Variants in VEPH1 observed in about 807,000 individuals in gnomAD.
The protein encoded by VEPH1 is ventricular zone expressed PH domain containing 1.
VEPH1 carries 80 observed loss-of-function variants against 85.2 expected under a neutral mutation model. The observed-to-expected ratio is 0.94, with a 90% confidence interval of 0.78 to 1.13. The LOEUF is 1.13. Among genes scored for constraint, VEPH1 ranks in the 50% most tolerant of loss-of-function variants. The probability of loss-of-function intolerance (pLI) is 0.00; values close to 1 mark genes in which losing one functional copy is unlikely to be tolerated. For synonymous variants in VEPH1, 297 were observed against 348.0 expected (o/e 0.85, Z 1.63); for missense variants, 955 against 980.5 (o/e 0.97, Z 0.35).
chr3:157,355,467 G>GTGGC (rs1316254339), intron 9 of VEPH1, among the ~76,000 whole-genome samples: 1 of 152,212 alleles, frequency 6.6e-6, no homozygotes, highest in Non-Finnish European at 1.5e-5. Context: ...AACTCTAGGG[G>GTGGC]TGGCTGGCTA....
intron 11 of VEPH1, among the ~76,000 whole-genome samples, chr3:157,312,367 A>AT (rs1398862179): frequency 2.0e-5 from 3 of 152,198 alleles, no homozygotes; most frequent in Non-Finnish European, 2.9e-5. Context: ...CAATGTACAT[A>AT]TTTCCCTTGA....
In VEPH1 at chr3:157,414,094, TAAAG is replaced by T. The variant is rs1731722117; in HGVS notation, c.697-8_697-5del. 1 of 1,595,846 alleles carries T rather than the reference TAAAG, an allele frequency of 6.3e-7. No individual in the cohort carries two copies. The highest frequency in any genetic ancestry group is 1.3e-5 in the African/African-American group (1 of 74,520). On this transcript the variant is annotated splice_polypyrimidine_tract_variant and splice_region_variant and intron_variant, in intron 5 of 13. Transcript: ENST00000362010. ...AAGGAATACACTTCTGAACTACCTA[TAAAG>T]AGAGAGGAGAGGAGGAGGGAAGAAA... is the stretch of plus-strand genomic sequence containing the variant.
chr3:157,284,731 A>T (rs1271485163), intron 12 of VEPH1, among the ~76,000 whole-genome samples: 1 of 152,054 alleles, frequency 6.6e-6, no homozygotes, highest in Non-Finnish European at 1.5e-5. Context: ...TTCATGTAGC[A>T]AAAGGAAATG....
chr3:157,403,809 G>T (rs1402643945), intron 6 of VEPH1, among the ~76,000 whole-genome samples: 2 of 152,076 alleles, frequency 1.3e-5, no homozygotes, highest in Non-Finnish European at 2.9e-5. Flanking sequence ...AAACATATAT[G>T]CATCAAGCAG....
chr3:157,376,256 C>A (rs1728092660), intron 7 of VEPH1, among the ~76,000 whole-genome samples: 2 of 152,278 alleles, frequency 1.3e-5, no homozygotes, highest in South Asian at 2.1e-4. Context: ...TGACAAATTG[C>A]CCCCATTCTG....
At chr3:157,429,798 G>C (rs557501052) in intron 4 of VEPH1, among the ~76,000 whole-genome samples, 1 of 152,266 alleles carries the variant, frequency 6.6e-6, no homozygotes, top group South Asian at 2.1e-4. Context: ...ATAGAACTTA[G>C]TTATGAGGAC....
chr3:157,420,852 A>C (rs1732281522), intron 5 of VEPH1, among the ~76,000 whole-genome samples: 1 of 152,186 alleles, frequency 6.6e-6, no homozygotes, highest in South Asian at 2.1e-4. Flanking sequence ...TGGGGATAGA[A>C]GTTAATGTCC....
At chr3:157,484,596 T>A (rs1319861097) in intron 2 of VEPH1, among the ~76,000 whole-genome samples, 4 of 152,214 alleles carry the variant, frequency 2.6e-5, no homozygotes, top group African/African-American at 9.7e-5. Context: ...TACATTTTTT[T>A]AAAGCCTCTC....
intron 2 of VEPH1, among the ~76,000 whole-genome samples, chr3:157,484,620 A>G (rs548735473): frequency 6.6e-6 from 1 of 152,358 alleles, no homozygotes; most frequent in East Asian, 1.9e-4. Flanking sequence ...TAAAAAGAAT[A>G]GTTTCAAGGG....
At chr3:157,488,326 C>T (rs1738849094) in intron 2 of VEPH1, among the ~76,000 whole-genome samples, 3 of 152,094 alleles carry the variant, frequency 2.0e-5, no homozygotes, top group Admixed American at 6.6e-5. Flanking sequence ...CCAGTGACAA[C>T]TGCTCTTGTC....
At chr3:157,425,440 T>C (rs1560051440) in intron 5 of VEPH1, among the ~76,000 whole-genome samples, 1 of 152,092 alleles carries the variant, frequency 6.6e-6, no homozygotes, top group Non-Finnish European at 1.5e-5. Context: ...GTCACAGGGG[T>C]GGAGCTGCCC....
chr3:157,458,313 T>G (rs189516362), intron 4 of VEPH1, among the ~76,000 whole-genome samples: 333 of 152,306 alleles, frequency 2.2e-3, no homozygotes, highest in Non-Finnish European at 3.9e-3. Flanking sequence ...TATTTGTGTC[T>G]TAATCGCCTT....
intron 4 of VEPH1, chr3:157,437,535 G>A: frequency 6.2e-7 from 1 of 1,606,052 alleles, no homozygotes. Context: ...CCTGCGGTCA[G>A]GAGCACTCGG....
intron 6 of VEPH1, among the ~76,000 whole-genome samples, chr3:157,391,178 C>T (rs1169898259): frequency 6.6e-6 from 1 of 152,208 alleles, no homozygotes; most frequent in African/African-American, 2.4e-5. Flanking sequence ...GCACAGCCTG[C>T]CAGGCTGAGT....
chr3:157,434,394 C>T lies in VEPH1; in HGVS notation c.530-5906G>A, dbSNP rs183435425. The stretch of plus-strand genomic sequence containing the variant: ...TGGTGTGATCACAGCTCACTGCAGC[C>T]TCCACTTCCCAGGCTCAAGTGATCC... On this transcript the variant is annotated intron_variant, in intron 4 of 13. Transcript: ENST00000362010. Among the ~76,000 whole-genome samples the T allele has an allele frequency of 9.9e-4, 151 of 152,264 alleles. 1 individual carries two copies. The highest frequency in any genetic ancestry group is 3.5e-3 in the African/African-American group (146 of 41,538).
chr3:157,266,405 G>C (rs750874333), intron 12 of VEPH1, among the ~76,000 whole-genome samples: 2 of 152,052 alleles, frequency 1.3e-5, no homozygotes, highest in Non-Finnish European at 2.9e-5. Flanking sequence ...TCCAAATCCA[G>C]ATGAGGGTGG....
chr3:157,443,122 T>C (rs750429296), intron 4 of VEPH1: 145 of 971,906 alleles, frequency 1.5e-4, no homozygotes, highest in Middle Eastern at 2.7e-4. Context: ...TTATTTGTAC[T>C]GGCCAAATAC....
chr3:157,319,521 C>A (rs1032502297), intron 9 of VEPH1, among the ~76,000 whole-genome samples: 17 of 152,102 alleles, frequency 1.1e-4, no homozygotes, highest in East Asian at 7.7e-4. Context: ...AACCTATTAT[C>A]TCAAGAGCAC....
chr3:157,421,031 TG>T (rs1486115019), intron 5 of VEPH1, among the ~76,000 whole-genome samples: 1 of 152,188 alleles, frequency 6.6e-6, no homozygotes, highest in Non-Finnish European at 1.5e-5. Flanking sequence ...GAGAATTCTC[TG>T]GAGGTACCAG....
Sources: gnomAD v4.1 joint callset for allele counts (sites outside exome capture counted in the v4.1 genomes callset) on GRCh38, gnomAD v4.1.1 for gene constraint, MANE v1.5 for transcripts, NCBI Gene and HGNC (gene_info 2026-07-23, HGNC 2026-07-21) for gene names.